The following PCDHGB2 variants were observed in gnomAD, a reference collection of about 807,000 sequenced individuals.
The protein encoded by PCDHGB2 is protocadherin gamma subfamily B, 2.
PCDHGB2 carries 55 observed loss-of-function variants against 59.3 expected under a neutral mutation model. The observed-to-expected ratio is 0.93, with a 90% confidence interval of 0.75 to 1.16. The LOEUF (loss-of-function observed/expected upper bound fraction) is 1.16. Among genes scored for constraint, PCDHGB2 ranks in the 50% most tolerant of loss-of-function variants. PCDHGB2 has a pLI of 0.00. For synonymous variants in PCDHGB2, 516 were observed against 512.0 expected (o/e 1.01, Z -0.11); for missense variants, 1,228 against 1,198.5 (o/e 1.02, Z -0.36).
At chr5:141,398,844 C>A in intron 1 of PCDHGB2, 1 of 1,613,966 alleles carries the variant, frequency 6.2e-7, no homozygotes, top group Non-Finnish European at 8.5e-7. Context: ...ATGATAATCC[C>A]CCGGTATTCA....
intron 1 of PCDHGB2, chr5:141,429,047 GGTTTCACC>G (rs1254088441): frequency 1.3e-5 from 2 of 152,034 alleles, no homozygotes; most frequent in Non-Finnish European, 2.9e-5. Flanking sequence ...GTACAGACGG[GGTTTCACC>G]GTGTTAGCCA....
chr5:141,394,724 G>C (rs2093074353), intron 1 of PCDHGB2: 2 of 1,613,380 alleles, frequency 1.2e-6, no homozygotes, highest in Non-Finnish European at 1.7e-6. Context: ...ACAGAGATGC[G>C]CTCAAGCAGA....
At position 141,494,852 on chromosome 5, in the gene PCDHGB2, C is replaced by T. The variant is rs755464933; in HGVS notation, c.2467C>T (p.Pro823Ser). ...TDWRFSQAQR[P>S]GTSGSQNGDD... is the part of the protein sequence containing the mutation. Reference sequence around the variant, plus strand: ...CTGGCGTTTCTCTCAGGCCCAGAGACCCGGCACCAGCGGGTAGGTGACTGA... The same window carrying T: ...CTGGCGTTTCTCTCAGGCCCAGAGATCCGGCACCAGCGGGTAGGTGACTGA... The change falls in exon 2 of 4, where the codon CCC (proline) becomes TCC (serine). Residue 823 changes from proline (P) to serine (S), a missense_variant. This residue lies in a region of PCDHGB2 where 433 missense variants were observed against 441.8 expected (regional missense o/e 0.98). Coordinates refer to ENST00000522605, the MANE Select transcript of PCDHGB2 (RefSeq NM_018923.3). 6 of 1,614,042 alleles carry T rather than the reference C, an allele frequency of 3.7e-6. No homozygotes were observed. Among genetic ancestry groups the T allele is most frequent in the Admixed American group, 1.7e-5 (1 of 60,000 alleles).
intron 1 of PCDHGB2, chr5:141,365,395 G>A (rs753717509): frequency 6.2e-7 from 1 of 1,613,860 alleles, no homozygotes; most frequent in Non-Finnish European, 8.5e-7. Flanking sequence ...TGACCAGTTC[G>A]ATCTCTGAAG....
At chr5:141,376,467 A>C in intron 1 of PCDHGB2, 3 of 1,614,180 alleles carry the variant, frequency 1.9e-6, no homozygotes, top group Non-Finnish European at 2.5e-6. Flanking sequence ...CTGATAACTC[A>C]GGATTTACTT....
Position 141,476,110 on chromosome 5 carries a change from G to A in PCDHGB2, c.2422-18697G>A. ...GACCCCGCTGAGAGGAACTGCTTTT[G>A]AGTGAGATGGTCCCAGAGGCCTGGA... On this transcript the variant is annotated intron_variant, in intron 1 of 3. Transcript: ENST00000522605. The surrounding 1 kb of genome is among the most constrained non-coding windows in gnomAD (Gnocchi z 7.6). 1.9e-6 allele frequency: 3 copies of A among 1,589,382 alleles called. No homozygotes were observed. The highest frequency in any genetic ancestry group is 2.6e-6 in the Non-Finnish European group (3 of 1,170,364).
At chr5:141,371,843 TA>T in intron 1 of PCDHGB2, 1 of 1,613,690 alleles carries the variant, frequency 6.2e-7, no homozygotes, top group Non-Finnish European at 8.5e-7. Flanking sequence ...ACTTGGGACC[TA>T]ATGGCCTTGT....
intron 1 of PCDHGB2, chr5:141,411,549 A>G (rs1169343676): frequency 6.6e-6 from 1 of 152,210 alleles, no homozygotes; most frequent in African/African-American, 2.4e-5. Flanking sequence ...TTGCCACTGC[A>G]CTCCAGCCTG....
chr5:141,426,848 C>T (rs1379697529), intron 1 of PCDHGB2: 3 of 456,552 alleles, frequency 6.6e-6, no homozygotes, highest in Admixed American at 4.7e-5. Context: ...AAGGCAAGAA[C>T]GCTCCAGAAT....
chr5:141,454,675 G>A (rs973403044), intron 1 of PCDHGB2, among the ~76,000 whole-genome samples: 8 of 151,764 alleles, frequency 5.3e-5, no homozygotes, highest in Non-Finnish European at 1.0e-4. Context: ...CAAAACACTG[G>A]GATTACAGGC....
intron 1 of PCDHGB2, among the ~76,000 whole-genome samples, chr5:141,445,263 C>T (rs1170484721): frequency 1.3e-5 from 2 of 152,152 alleles, no homozygotes; most frequent in African/African-American, 2.4e-5. Context: ...GAATATAAGT[C>T]GAAACCACTC....
chr5:141,371,587 C>T, intron 1 of PCDHGB2: 2 of 1,613,898 alleles, frequency 1.2e-6, no homozygotes, highest in Non-Finnish European at 1.7e-6. Flanking sequence ...GTTCAAGATA[C>T]CAAAAACACA....
In PCDHGB2 at chr5:141,467,461, A is replaced by G. The variant is rs1330947379; in HGVS notation, c.2422-27346A>G. ...ATTACTTTTTTCTTCCAGTGCTAGT[A>G]CTTGCATGGTTTTTGGTTTCCACAT... On this transcript the variant is annotated intron_variant, in intron 1 of 3. Coordinates refer to ENST00000522605, the MANE Select transcript of PCDHGB2 (RefSeq NM_018923.3). 2.6e-5 allele frequency among the ~76,000 whole-genome samples: 4 copies of G among 152,158 alleles called. No homozygotes were observed. The South Asian group carries it at 8.3e-4, about 31-fold the overall frequency.
At chr5:141,375,102 T>C (rs1185155280) in intron 1 of PCDHGB2, 3 of 1,613,868 alleles carry the variant, frequency 1.9e-6, no homozygotes, top group Non-Finnish European at 2.5e-6. Flanking sequence ...ATCTTGGATG[T>C]CAATGATAAT....
In PCDHGB2 at chr5:141,389,708, G is replaced by C. The variant is rs773973967; in HGVS notation, c.2421+27152G>C. On this transcript the variant is annotated intron_variant, in intron 1 of 3. Coordinates refer to ENST00000522605, the MANE Select transcript of PCDHGB2 (RefSeq NM_018923.3). ...CCTGGCTGTCCTACCACGTGCTGCA[G>C]GCTAGCGAGCCCGGGCTCTTCAGCC... The C allele has an allele frequency of 4.3e-6, 7 of 1,612,610 alleles. No homozygotes were observed. In the South Asian group the frequency reaches 7.7e-5, roughly 18 times the overall value.
Position 141,361,117 on chromosome 5 carries a change from G to A in PCDHGB2, c.982G>A (p.Ala328Thr). 6.2e-7 allele frequency: 1 copy of A among 1,614,002 alleles called. No homozygotes were observed. The change falls in exon 1 of 4, where the codon GCA becomes ACA. Residue 328 changes from alanine to threonine, a missense_variant. Coordinates refer to ENST00000522605, the MANE Select transcript of PCDHGB2 (RefSeq NM_018923.3). ...CGAAGCAAAAGATCCTGGAGATCTA[G>A]CAGCCCACTGCAGTATCCAAGTTGA... ...SIEAKDPGDL[A>T]AHCSIQVEIL...
Position 141,361,698 on chromosome 5 carries a change from T to C in PCDHGB2, c.1563T>C (p.Asp521=), listed in dbSNP as rs779293216. ...SGVVFAQRAF[D]HEQLRAFELT... The stretch of plus-strand genomic sequence containing the variant: ...TGGTGTTCGCGCAGCGCGCCTTCGA[T>C]CATGAGCAGCTGCGCGCCTTCGAGC... The change falls in exon 1 of 4, where the codon GAT becomes GAC. Residue 521 remains aspartate, a synonymous_variant. Transcript: ENST00000522605. The C allele has an allele frequency of 2.7e-5, 43 of 1,613,234 alleles. No homozygotes were observed. The highest frequency in any genetic ancestry group is 5.0e-5 in the Admixed American group (3 of 60,008).
intron 1 of PCDHGB2, among the ~76,000 whole-genome samples, chr5:141,472,178 A>G (rs1337942457): frequency 6.6e-6 from 1 of 152,210 alleles, no homozygotes; most frequent in African/African-American, 2.4e-5. Flanking sequence ...AATATCCAGT[A>G]TTGGAATTTG....
At chr5:141,393,195 G>A (rs1359316660) in intron 1 of PCDHGB2, 6 of 1,613,316 alleles carry the variant, frequency 3.7e-6, no homozygotes, top group South Asian at 1.1e-5. Context: ...TGATATTAAC[G>A]ATAATAACCC....
Sources: allele counts gnomAD v4.1 joint callset (sites outside exome capture counted in the v4.1 genomes callset), GRCh38; gene constraint gnomAD v4.1.1; regional missense constraint gnomAD v4.1.1; non-coding constraint Gnocchi (gnomAD v3.1); transcripts MANE v1.5; gene names NCBI Gene and HGNC (gene_info 2026-07-23, HGNC 2026-07-21).